The following VPS54 variants were observed in gnomAD, a reference collection of about 807,000 sequenced individuals.
VPS54 encodes VPS54 subunit of GARP complex, also known as vacuolar protein sorting-associated protein 54.
In VPS54, 45 loss-of-function variants were observed where a neutral mutation model predicts 121.5. The ratio of observed to expected loss-of-function variants is 0.37; its 90% CI spans 0.29 to 0.47. The LOEUF (loss-of-function observed/expected upper bound fraction) is 0.47, where lower values mean the gene tolerates loss of function less well. VPS54 is among the 20% of genes least tolerant of loss of function. The pLI is 0.99. For missense variants in VPS54, 1,090 were observed against 1,131.4 expected (o/e 0.96, Z 0.52); for synonymous variants, 371 against 385.8 (o/e 0.96, Z 0.45).
chr2:63,933,754 G>A lies in VPS54; in HGVS notation c.1658C>T (p.Ser553Phe), dbSNP rs760341947. Residue 553 changes from serine (S) to phenylalanine (F), a missense_variant, in exon 12 of 23, where the codon TCC becomes TTC. Ser to Phe is a radical substitution (Grantham distance 155). Transcript: ENST00000272322. Reference sequence around the variant, plus strand: ...AGAATCAGTAGTACATTCTGGCTCGGATACAGAATCACTGCTGCAGGGCTC... The same window carrying A: ...AGAATCAGTAGTACATTCTGGCTCGAATACAGAATCACTGCTGCAGGGCTC... ...NSEPCSSDSVSEPECTTDSSS... is the reference protein window; with the variant it reads ...NSEPCSSDSVFEPECTTDSSS... 1 of 1,613,874 alleles carries A rather than the reference G, an allele frequency of 6.2e-7. No individual in the cohort carries two copies.
At position 63,974,539 on chromosome 2, in the gene VPS54, C is replaced by T. The variant is rs367627579; in HGVS notation, c.379-2295G>A. 5.3e-5 allele frequency among the ~76,000 whole-genome samples: 8 copies of T among 152,266 alleles called. No homozygotes were observed. The East Asian group carries it at 9.6e-4, about 18-fold the overall frequency. On this transcript the variant is annotated intron_variant, in intron 3 of 22. Coordinates refer to ENST00000272322, the MANE Select transcript of VPS54 (RefSeq NM_016516.3). ...TATTGATCAAGTTGGGAAAAAGAGA[C>T]ACCTTGACAATATTGAGCCTTCCTA...
chr2:63,974,952 T>C, intron 3 of VPS54: 1 of 1,538,176 alleles, frequency 6.5e-7, no homozygotes, highest in South Asian at 1.2e-5. Context: ...TCCAAGACAA[T>C]GTTAAAAGAA....
chr2:64,000,802 C>G (rs1006478192), intron 1 of VPS54, among the ~76,000 whole-genome samples: 8 of 152,250 alleles, frequency 5.3e-5, no homozygotes, highest in Non-Finnish European at 1.0e-4. Context: ...GTGGTCAACA[C>G]TGGCACTGCA....
rs894337731 is a variant in VPS54 at position 63,984,039 on chromosome 2, A to T, written c.-20-20T>A. 1 of 1,544,134 alleles carries T rather than the reference A, an allele frequency of 6.5e-7. No homozygotes were observed. The highest frequency in any genetic ancestry group is 8.8e-7 in the Non-Finnish European group (1 of 1,138,256). The stretch of plus-strand genomic sequence containing the variant: ...ACTCAACTGAAAATGAGTAAGAAAT[A>T]CTAATTAAGACACCGCAAATCAAAA... On this transcript the variant is annotated intron_variant, in intron 1 of 22. Transcript: ENST00000272322.
At chr2:63,968,277 A>C (rs566658356) in intron 5 of VPS54, among the ~76,000 whole-genome samples, 101 of 152,308 alleles carry the variant, frequency 6.6e-4, no homozygotes, top group Admixed American at 6.5e-3. Flanking sequence ...AATGATCAGC[A>C]AAATTTTTTT....
At chr2:64,018,165 C>T (rs1212239382) in intron 1 of VPS54, among the ~76,000 whole-genome samples, 2 of 151,970 alleles carry the variant, frequency 1.3e-5, no homozygotes, top group Non-Finnish European at 2.9e-5. Context: ...GAAATACAGC[C>T]AATTAAAAAC....
At chr2:63,964,112 T>G (rs1479300491) in intron 6 of VPS54, among the ~76,000 whole-genome samples, 1 of 152,172 alleles carries the variant, frequency 6.6e-6, no homozygotes, top group Non-Finnish European at 1.5e-5. Context: ...GCGAACATGA[T>G]AAACCAGCTG....
Position 63,981,821 on chromosome 2 carries a change from T to TC in VPS54, c.202_203insG (p.His68ArgfsTer14). 1 of 1,613,768 alleles carries TC rather than the reference T, an allele frequency of 6.2e-7. No homozygotes were observed. Among genetic ancestry groups the TC allele is most frequent in the Non-Finnish European group, 8.5e-7 (1 of 1,179,776 alleles). On this transcript the variant is annotated frameshift_variant, in exon 3 of 23. Transcript: ENST00000272322. LOFTEE classifies it high-confidence loss of function. ...TGCTGCTGGGAGATTTACTTTGGAATGATATACAGTCCATCTATGTTGATC... is the reference window on the plus strand; with the variant it reads ...TGCTGCTGGGAGATTTACTTTGGAATCGATATACAGTCCATCTATGTTGATC...
Position 63,966,499 on chromosome 2 carries a change from T to C in VPS54, c.493-533A>G, listed in dbSNP as rs562504170. ...GCTAAGCAATAAGGCCTACCCGTTA[T>C]ATTTTGTAAATATACCTTGAATCTC... On this transcript the variant is annotated intron_variant, in intron 5 of 22. Coordinates refer to ENST00000272322, the MANE Select transcript of VPS54 (RefSeq NM_016516.3). 4.6e-5 allele frequency among the ~76,000 whole-genome samples: 7 copies of C among 152,332 alleles called. No individual in the cohort carries two copies. The East Asian group carries it at 1.4e-3, about 29-fold the overall frequency.
intron 20 of VPS54, among the ~76,000 whole-genome samples, chr2:63,909,901 A>G (rs1032380739): frequency 1.3e-5 from 2 of 149,948 alleles, no homozygotes; most frequent in Admixed American, 1.3e-4. Flanking sequence ...ATTTTTTTGT[A>G]TTTTTGGTAG....
intron 9 of VPS54, among the ~76,000 whole-genome samples, chr2:63,945,712 G>C (rs1327683342): frequency 6.6e-6 from 1 of 152,094 alleles, no homozygotes; most frequent in South Asian, 2.1e-4. Flanking sequence ...ATTCAAAACT[G>C]TTCAAAATCC....
At chr2:63,905,448 A>C (rs974893188) in intron 20 of VPS54, among the ~76,000 whole-genome samples, 1 of 152,132 alleles carries the variant, frequency 6.6e-6, no homozygotes, top group African/African-American at 2.4e-5. Context: ...AAATAGATAA[A>C]TCCATTCAAA....
intron 16 of VPS54, among the ~76,000 whole-genome samples, chr2:63,916,012 C>G (rs1238566404): frequency 6.6e-6 from 1 of 151,976 alleles, no homozygotes; most frequent in Non-Finnish European, 1.5e-5. Flanking sequence ...GTGGTCATTT[C>G]AAAAAACACT....
intron 20 of VPS54, among the ~76,000 whole-genome samples, chr2:63,904,438 CAAAAAAAAAAAAAA>C (rs58651830): frequency 5.0e-5 from 1 of 19,922 alleles, no homozygotes; most frequent in African/African-American, 2.3e-4. Context: ...GACTTGGTCT[CAAAAAAAAAAAAAA>C]AAAAAAAAAA....
intron 20 of VPS54, 129 bp from the exon 21 acceptor site, chr2:63,899,710 T>G (rs1672596284): frequency 2.9e-6 from 2 of 699,712 alleles, no homozygotes; most frequent in South Asian, 3.9e-5. Context: ...AAGCTTACAC[T>G]TTTCAACTGT....
chr2:63,926,404 GGTTT>G, intron 12 of VPS54, among the ~76,000 whole-genome samples: 1 of 152,312 alleles, frequency 6.6e-6, no homozygotes, highest in East Asian at 1.9e-4. Flanking sequence ...CTCAGGGTTT[GGTTT>G]GTTTGTACTG....
chr2:63,971,716 T>G (rs1422493589), intron 4 of VPS54, among the ~76,000 whole-genome samples: 1 of 152,230 alleles, frequency 6.6e-6, no homozygotes, highest in African/African-American at 2.4e-5. Flanking sequence ...GATACAATTA[T>G]TGGTTTCTTT....
chr2:63,934,315 AAACAT>A (rs573781779), intron 11 of VPS54, among the ~76,000 whole-genome samples: 428 of 152,330 alleles, frequency 2.8e-3, no homozygotes, highest in Non-Finnish European at 4.9e-3. Flanking sequence ...AGGTTACACT[AAACAT>A]AACTTGCCCA....
At chr2:63,997,752 G>A (rs1317817064) in intron 1 of VPS54, among the ~76,000 whole-genome samples, 1 of 151,530 alleles carries the variant, frequency 6.6e-6, no homozygotes, top group East Asian at 1.9e-4. Flanking sequence ...TGTTTGGCTT[G>A]CTCTTGCTTT....
Sources: allele counts gnomAD v4.1 joint callset (sites outside exome capture counted in the v4.1 genomes callset), GRCh38; gene constraint gnomAD v4.1.1; transcripts MANE v1.5; gene names NCBI Gene and HGNC (gene_info 2026-07-23, HGNC 2026-07-21).